Variants in SIRT6 observed in about 807,000 individuals in gnomAD.
SIRT6 encodes the protein NAD-dependent protein deacylase sirtuin-6.
In SIRT6, 21 loss-of-function variants were observed where a neutral mutation model predicts 33.6. The ratio of observed to expected loss-of-function variants is 0.62; its 90% CI spans 0.44 to 0.90. The LOEUF is 0.90. SIRT6 is among the 40% of genes least tolerant of loss of function. The pLI, the probability that SIRT6 is intolerant of heterozygous loss-of-function variation, is 0.00. For synonymous variants in SIRT6, 221 were observed against 223.9 expected (o/e 0.99, Z 0.12); for missense variants, 504 against 510.6 (o/e 0.99, Z 0.12).
intron 2 of SIRT6, 25 bp downstream of exon 2, chr19:4,180,757 C>A (rs201378490): frequency 6.3e-7 from 1 of 1,584,924 alleles, no homozygotes; most frequent in East Asian, 2.2e-5. Context: ...GGCCTTGCCT[C>A]GACTTCCCCT....
At chr19:4,176,224 G>A (rs1967296500) in intron 4 of SIRT6, among the ~76,000 whole-genome samples, 1 of 152,240 alleles carries the variant, frequency 6.6e-6, no homozygotes, top group African/African-American at 2.4e-5. Context: ...AACAATTGGA[G>A]CATGGGGGCG....
At chr19:4,176,916 G>A (rs931048831) in intron 4 of SIRT6, among the ~76,000 whole-genome samples, 163 bp downstream of exon 4, 1 of 144,888 alleles carries the variant, frequency 6.9e-6, no homozygotes, top group Non-Finnish European at 1.5e-5. Flanking sequence ...CTCCAGGAGG[G>A]AGACATACTC....
At chr19:4,179,627 C>T in intron 2 of SIRT6, 1 of 321,526 alleles carries the variant, frequency 3.1e-6, no homozygotes, top group Non-Finnish European at 5.8e-6. Flanking sequence ...AACACTGCTG[C>T]TGCAATGAGC....
intron 1 of SIRT6, among the ~76,000 whole-genome samples, chr19:4,181,643 C>T (rs568395675): frequency 6.6e-6 from 1 of 152,202 alleles, no homozygotes; most frequent in Admixed American, 6.5e-5. Context: ...AAAAATTAGC[C>T]AGGCGTGGTG....
intron 3 of SIRT6, 33 bp downstream of exon 3, chr19:4,179,071 A>G (rs763073895): frequency 5.0e-5 from 80 of 1,607,010 alleles, no homozygotes; most frequent in Non-Finnish European, 6.4e-5. Flanking sequence ...TGGGGCCCCA[A>G]GCTCTTTTGT....
chr19:4,174,596 C>T lies in SIRT6; in HGVS notation c.*21G>A, dbSNP rs1160368949. 1 of 1,421,332 alleles carries T rather than the reference C, an allele frequency of 7.0e-7. No individual in the cohort carries two copies. The highest frequency in any genetic ancestry group is 3.2e-5 in the Admixed American group (1 of 31,500). 88.0% of individuals were successfully genotyped at this position (1,421,332 alleles called of 1,614,324 possible). ...AATCCACAGTTTCTACAAAAAGCCC[C>T]ACCCTCCCCAAGCACCCTGGTCAGC... is the stretch of plus-strand genomic sequence containing the variant. On this transcript the variant is annotated 3_prime_UTR_variant, in exon 8 of 8. Coordinates refer to ENST00000337491, the MANE Select transcript of SIRT6 (RefSeq NM_016539.4). This position sits in a 1 kb window ranked among gnomAD's most constrained non-coding sequence, Gnocchi z 4.2.
chr19:4,174,661 G>T lies in SIRT6; in HGVS notation c.1024C>A (p.His342Asn), dbSNP rs192661013. The T allele has an allele frequency of 2.1e-5, 30 of 1,454,844 alleles. No individual in the cohort carries two copies. The highest frequency in any genetic ancestry group is 4.4e-5 in the South Asian group (3 of 68,212). The allele number at this position is 1,454,844 out of a possible 1,614,324, so 90.1% of individuals were successfully genotyped here. The change falls in exon 8 of 8, where the codon CAC (histidine) becomes AAC (asparagine). Residue 342 changes from histidine (H) to asparagine (N), a missense_variant. Physicochemically the swap from His to Asn is moderately conservative, Grantham distance 68 (BLOSUM62 1). Coordinates refer to ENST00000337491, the MANE Select transcript of SIRT6 (RefSeq NM_016539.4). This position sits in a 1 kb window ranked among gnomAD's most constrained non-coding sequence, Gnocchi z 4.2. ...KRERPTSPAP[H>N]RPPKRVKAKA... ...GCCTTCACCCTTTTGGGGGGTCTGT[G>T]GGGGGCAGGGCTGGTGGGCCGCTCC...
At chr19:4,175,557 C>T (rs1347073654) in intron 6 of SIRT6, 123 bp downstream of exon 6, 3 of 972,746 alleles carry the variant, frequency 3.1e-6, no homozygotes, top group East Asian at 5.3e-5. Context: ...GGCCCACCTG[C>T]TCCAGGAAGC....
In SIRT6 at chr19:4,174,227, G is replaced by A. The variant is rs200674382; in HGVS notation, c.*390C>T. ...CTACTGATCCCCCACTTCAAGGTGG[G>A]TCTCCCCTCCTGCAGGGCCCATGGA... is the stretch of plus-strand genomic sequence containing the variant. On this transcript the variant is annotated 3_prime_UTR_variant, in exon 8 of 8. Coordinates refer to ENST00000337491, the MANE Select transcript of SIRT6 (RefSeq NM_016539.4). The surrounding 1 kb of genome is among the most constrained non-coding windows in gnomAD (Gnocchi z 4.2). The A allele has an allele frequency of 6.0e-5, 11 of 182,652 alleles. No individual in the cohort carries two copies. Among genetic ancestry groups the A allele is most frequent in the Non-Finnish European group, 1.1e-4 (10 of 88,832 alleles). 11.3% of individuals were successfully genotyped at this position (182,652 alleles called of 1,614,324 possible).
Position 4,179,065 on chromosome 19 carries a change from GC to G in SIRT6, c.377+38del, listed in dbSNP as rs767346029. On this transcript the variant is annotated intron_variant, in intron 3 of 7. Transcript: ENST00000337491. Reference sequence around the variant, plus strand: ...TAAAAATGCAAACACGGTTTGTGGGGCCCCAAGCTCTTTTGTGGGGGCGGGG... The same window carrying G: ...TAAAAATGCAAACACGGTTTGTGGGGCCCAAGCTCTTTTGTGGGGGCGGGG... 9.4e-6 allele frequency: 15 copies of G among 1,604,104 alleles called. No homozygotes were observed. The South Asian group carries it at 1.5e-4, about 16-fold the overall frequency.
chr19:4,174,654 G>C lies in SIRT6; in HGVS notation c.1031C>G (p.Pro344Arg). Residue 344 changes from proline (P) to arginine (R), a missense_variant, in exon 8 of 8, where the codon CCC (proline) becomes CGC (arginine). Physicochemically the swap from Pro to Arg is moderately radical, Grantham distance 103 (BLOSUM62 -2). Coordinates refer to ENST00000337491, the MANE Select transcript of SIRT6 (RefSeq NM_016539.4). The surrounding 1 kb of genome is among the most constrained non-coding windows in gnomAD (Gnocchi z 4.2). ...CGCCTTGGCCTTCACCCTTTTGGGG[G>C]GTCTGTGGGGGGCAGGGCTGGTGGG... ...ERPTSPAPHR[P>R]PKRVKAKAVP... 6.9e-7 allele frequency: 1 copy of C among 1,453,250 alleles called. No individual in the cohort carries two copies. The highest frequency in any genetic ancestry group is 9.1e-7 in the Non-Finnish European group (1 of 1,100,398). 90.0% of individuals were successfully genotyped at this position (1,453,250 alleles called of 1,614,324 possible).
At position 4,175,027 on chromosome 19, in the gene SIRT6, C is replaced by T. The variant is rs202077007; in HGVS notation, c.738+1G>A. On this transcript the variant is annotated splice_donor_variant, in intron 7 of 7. Coordinates refer to ENST00000337491, the MANE Select transcript of SIRT6 (RefSeq NM_016539.4). LOFTEE classifies it high-confidence loss of function. The stretch of plus-strand genomic sequence containing the variant: ...GGGCAGGGGTAGGCTCAGACACCTA[C>T]GTGCTTGGTGGGCTGCAGGTTGACG... The T allele has an allele frequency of 5.0e-6, 8 of 1,596,822 alleles. No individual in the cohort carries two copies. Among genetic ancestry groups the T allele is most frequent in the African/African-American group, 4.0e-5 (3 of 74,470 alleles).
At chr19:4,177,191 C>T (rs1312134717) in intron 3 of SIRT6, 53 bp from the exon 4 acceptor site, 48 of 1,590,752 alleles carry the variant, frequency 3.0e-5, no homozygotes, top group Non-Finnish European at 4.0e-5. Flanking sequence ...CCTGGATGCC[C>T]AGGCTTTGGA....
chr19:4,176,013 C>G (rs1411910925), intron 4 of SIRT6, 76 bp from the exon 5 acceptor site: 2 of 1,350,600 alleles, frequency 1.5e-6, no homozygotes, highest in East Asian at 5.0e-5. Flanking sequence ...TCTAGGGTGA[C>G]GTTCTCCCAG....
In SIRT6 at chr19:4,180,966, C is replaced by A. The variant is rs1967613825; in HGVS notation, c.67-57G>T. On this transcript the variant is annotated intron_variant, in intron 1 of 7. Transcript: ENST00000337491. Reference sequence around the variant, plus strand: ...AAACAGTTCCCCCAAGTGGCAAGGCCACGCACGAGCCACAGACTGAGCTGT... The same window carrying A: ...AAACAGTTCCCCCAAGTGGCAAGGCAACGCACGAGCCACAGACTGAGCTGT... 4 of 1,513,542 alleles carry A rather than the reference C, an allele frequency of 2.6e-6. No individual in the cohort carries two copies. In the South Asian group the frequency reaches 5.2e-5, roughly 20 times the overall value. The allele number at this position is 1,513,542 out of a possible 1,614,324, so 93.8% of individuals were successfully genotyped here.
chr19:4,179,651 C>G (rs1037766660), intron 2 of SIRT6: 1 of 258,280 alleles, frequency 3.9e-6, no homozygotes, highest in Admixed American at 5.0e-5. Flanking sequence ...ACGATGCTCA[C>G]ATGGGCCCAA....
chr19:4,174,335 A>G lies in SIRT6; in HGVS notation c.*282T>C. 3.2e-6 allele frequency: 1 copy of G among 312,454 alleles called. No individual in the cohort carries two copies. Among genetic ancestry groups the G allele is most frequent in the Middle Eastern group, 8.6e-4 (1 of 1,160 alleles). 19.4% of individuals were successfully genotyped at this position (312,454 alleles called of 1,614,324 possible). A position where few individuals can be genotyped will look rare whatever the true frequency, so the allele number is the denominator to read the frequency against. On this transcript the variant is annotated 3_prime_UTR_variant, in exon 8 of 8. Coordinates refer to ENST00000337491, the MANE Select transcript of SIRT6 (RefSeq NM_016539.4). This position sits in a 1 kb window ranked among gnomAD's most constrained non-coding sequence, Gnocchi z 4.2. ...TTCACTCCTGTTTAAGCTGGAGACC[A>G]GGGAGGGCCCAGCCTCACCTCTGGA...
In SIRT6 at chr19:4,181,464, G is replaced by A. The variant is rs146252570; in HGVS notation, c.67-555C>T. ...GTACCTAGAAAGTGCCTGAGCTACA[G>A]TAAGTGCTCTATAAATGTTGGTGGA... On this transcript the variant is annotated intron_variant, in intron 1 of 7. Coordinates refer to ENST00000337491, the MANE Select transcript of SIRT6 (RefSeq NM_016539.4). Among the ~76,000 whole-genome samples, 4 of 152,278 alleles carry A rather than the reference G, an allele frequency of 2.6e-5. No individual in the cohort carries two copies. The East Asian group carries it at 7.7e-4, about 29-fold the overall frequency.
At chr19:4,181,757 A>C (rs1234494564) in intron 1 of SIRT6, among the ~76,000 whole-genome samples, 2 of 152,114 alleles carry the variant, frequency 1.3e-5, no homozygotes, top group African/African-American at 4.8e-5. Flanking sequence ...GCGCCACTGC[A>C]CTCCAGCCTG....
Sources: allele counts gnomAD v4.1 joint callset (sites outside exome capture counted in the v4.1 genomes callset), GRCh38; gene constraint gnomAD v4.1.1; non-coding constraint Gnocchi (gnomAD v3.1); transcripts MANE v1.5; gene names NCBI Gene and HGNC (gene_info 2026-07-23, HGNC 2026-07-21).